Variants in DGAT2 observed in about 807,000 individuals in gnomAD.
DGAT2 encodes the protein diacylglycerol O-acyltransferase 2.
In DGAT2, 33 loss-of-function variants were observed where a neutral mutation model predicts 48.4. The ratio of observed to expected loss-of-function variants is 0.68; its 90% CI spans 0.52 to 0.91. DGAT2 has a LOEUF of 0.91. DGAT2 is among the 40% of genes least tolerant of loss of function. The pLI, the probability that DGAT2 is intolerant of heterozygous loss-of-function variation, is 0.00. For missense variants in DGAT2, 446 were observed against 493.7 expected, an observed-to-expected ratio of 0.90 and a Z score of 0.92; for synonymous variants, 191 against 194.1, an observed-to-expected ratio of 0.98 and a Z score of 0.13.
Position 75,798,382 on chromosome 11 carries a change from C to T in DGAT2, c.965C>T (p.Ser322Phe). The T allele has an allele frequency of 6.2e-7, 1 of 1,613,898 alleles. No individual in the cohort carries two copies. Among genetic ancestry groups the T allele is most frequent in the Non-Finnish European group, 8.5e-7 (1 of 1,180,022 alleles). The stretch of plus-strand genomic sequence containing the variant: ...TTCCATGGTCGAGGCCTCTTCTCCT[C>T]CGACACCTGGGGGCTGGTGCCCTAC... Reference protein sequence around the residue: ...CIFHGRGLFSSDTWGLVPYSK... With the variant: ...CIFHGRGLFSFDTWGLVPYSK... The change falls in exon 7 of 8, where the codon TCC becomes TTC. Residue 322 changes from serine (S) to phenylalanine (F), a missense_variant. Transcript: ENST00000228027.
intron 1 of DGAT2, among the ~76,000 whole-genome samples, chr11:75,773,119 C>A (rs879753767): frequency 1.3e-5 from 2 of 152,250 alleles, no homozygotes; most frequent in Non-Finnish European, 2.9e-5. Context: ...TAGTAAGTAT[C>A]TGTTAAACGA....
intron 1 of DGAT2, chr11:75,776,978 T>G (rs541495955): frequency 9.2e-5 from 14 of 152,482 alleles, no homozygotes; most frequent in African/African-American, 3.1e-4. Context: ...GTGCACCTCT[T>G]AAAAAACTGT....
intron 5 of DGAT2, chr11:75,796,891 C>A: frequency 2.3e-6 from 1 of 443,232 alleles, no homozygotes; most frequent in Non-Finnish European, 4.0e-6. Context: ...ACACCTCGCA[C>A]CGACTTGGCA....
chr11:75,772,840 T>TG (rs1175161017), intron 1 of DGAT2, among the ~76,000 whole-genome samples: 3 of 151,808 alleles, frequency 2.0e-5, no homozygotes, highest in African/African-American at 7.3e-5. Context: ...AATAAAAAAA[T>TG]TTAGCCAGGT....
In DGAT2 at chr11:75,782,144, C is replaced by T. The variant is rs139960458; in HGVS notation, c.122-2474C>T. On this transcript the variant is annotated intron_variant, in intron 1 of 7. Coordinates refer to ENST00000228027, the MANE Select transcript of DGAT2 (RefSeq NM_032564.5). ...AGCAAGTCAGCCACGAGAAGGCATG[C>T]TTTGCCTTTTTTTCCTGCCAAATAG... Among the ~76,000 whole-genome samples, 70 of 152,296 alleles carry T rather than the reference C, an allele frequency of 4.6e-4. No individual in the cohort carries two copies. In the East Asian group the frequency reaches 7.3e-3, roughly 16 times the overall value.
chr11:75,792,597 T>C (rs975347643), intron 4 of DGAT2: 1 of 152,082 alleles, frequency 6.6e-6, no homozygotes, highest in African/African-American at 2.4e-5. Flanking sequence ...TGGTCTTTGC[T>C]GCCAGAACAG....
Position 75,800,531 on chromosome 11 carries a change from C to A in DGAT2, c.*23C>A, listed in dbSNP as rs1380802292. The A allele has an allele frequency of 1.2e-6, 2 of 1,610,490 alleles. No homozygotes were observed. Among genetic ancestry groups the A allele is most frequent in the Non-Finnish European group, 1.7e-6 (2 of 1,178,358 alleles). ...TGAGCCAGCCTTCGGGGCCAATTCC[C>A]TGGAGGAACCAGCTGCAAATCACTT... On this transcript the variant is annotated 3_prime_UTR_variant, in exon 8 of 8. Transcript: ENST00000228027.
chr11:75,770,514 A>G (rs527753453), intron 1 of DGAT2, among the ~76,000 whole-genome samples: 19 of 152,136 alleles, frequency 1.2e-4, no homozygotes, highest in Non-Finnish European at 2.4e-4. Flanking sequence ...AGGGACATCA[A>G]TGGATGAATG....
At chr11:75,796,823 C>A in intron 5 of DGAT2, 1 of 494,496 alleles carries the variant, frequency 2.0e-6, no homozygotes. Context: ...TTGTCCATGG[C>A]ACTGTAATTG....
chr11:75,799,245 T>C (rs1945087329), intron 7 of DGAT2, among the ~76,000 whole-genome samples: 1 of 152,274 alleles, frequency 6.6e-6, no homozygotes, highest in South Asian at 2.1e-4. Flanking sequence ...GGCTGGGTCC[T>C]GTGGGCAATG....
intron 4 of DGAT2, chr11:75,794,531 A>C (rs1412645098): frequency 3.9e-5 from 6 of 152,236 alleles, no homozygotes; most frequent in Non-Finnish European, 7.3e-5. Flanking sequence ...ATGTGGACAA[A>C]GATAAGGTAT....
chr11:75,772,400 C>T (rs143225289), intron 1 of DGAT2, among the ~76,000 whole-genome samples: 1 of 152,280 alleles, frequency 6.6e-6, no homozygotes, highest in African/African-American at 2.4e-5. Context: ...ATGTCACCCA[C>T]CATGCTGCAG....
chr11:75,787,041 C>T (rs1003732405), intron 2 of DGAT2, among the ~76,000 whole-genome samples: 2 of 152,100 alleles, frequency 1.3e-5, no homozygotes, highest in African/African-American at 4.8e-5. Context: ...TACTATAGTT[C>T]TTAAGTAGTG....
chr11:75,774,797 C>A (rs1342372675), intron 1 of DGAT2, among the ~76,000 whole-genome samples: 1 of 152,156 alleles, frequency 6.6e-6, no homozygotes. Flanking sequence ...TTTGGAGATT[C>A]CTTGGTGACC....
At chr11:75,777,759 G>A (rs1325708644) in intron 1 of DGAT2, among the ~76,000 whole-genome samples, 1 of 152,176 alleles carries the variant, frequency 6.6e-6, no homozygotes, top group Non-Finnish European at 1.5e-5. Context: ...AGAGGCGTGA[G>A]CTGCCCACAG....
chr11:75,789,180 C>A (rs1480904410), intron 2 of DGAT2, among the ~76,000 whole-genome samples: 1 of 151,792 alleles, frequency 6.6e-6, no homozygotes, highest in Non-Finnish European at 1.5e-5. Context: ...GACAGAGATT[C>A]CCTCTGTTGC....
chr11:75,778,702 C>T (rs1459010758), intron 1 of DGAT2, among the ~76,000 whole-genome samples: 2 of 151,492 alleles, frequency 1.3e-5, no homozygotes, highest in Admixed American at 6.6e-5. Context: ...GGCGTTGTGG[C>T]GGGTGCCTGT....
At position 75,782,060 on chromosome 11, in the gene DGAT2, A is replaced by G. The variant is rs149514967; in HGVS notation, c.122-2558A>G. Among the ~76,000 whole-genome samples the G allele has an allele frequency of 7.4e-4, 113 of 152,236 alleles. 1 individual carries two copies. The highest frequency in any genetic ancestry group is 2.6e-3 in the African/African-American group (108 of 41,552). ...GGAGCTAGATAAGTTGACTCCCAGCATGCCTCTTCCCTACGCACCCCTCAA... is the reference window on the plus strand; with the variant it reads ...GGAGCTAGATAAGTTGACTCCCAGCGTGCCTCTTCCCTACGCACCCCTCAA... On this transcript the variant is annotated intron_variant, in intron 1 of 7. Coordinates refer to ENST00000228027, the MANE Select transcript of DGAT2 (RefSeq NM_032564.5).
At chr11:75,787,976 AG>A (rs1004723782) in intron 2 of DGAT2, among the ~76,000 whole-genome samples, 1 of 152,242 alleles carries the variant, frequency 6.6e-6, no homozygotes, top group Non-Finnish European at 1.5e-5. Flanking sequence ...AGGCTGCCTC[AG>A]CAGCAGAGTA....
Sources: allele counts gnomAD v4.1 joint callset (sites outside exome capture counted in the v4.1 genomes callset), GRCh38; gene constraint gnomAD v4.1.1; transcripts MANE v1.5; gene names NCBI Gene and HGNC (gene_info 2026-07-23, HGNC 2026-07-21).